The following SAMMSON variants were observed in gnomAD, a reference collection of about 807,000 sequenced individuals.
The protein encoded by SAMMSON is long intergenic non-protein coding RNA 1212.
chr3:70,206,170 C>A (rs759385128), intron 4 of SAMMSON, among the ~76,000 whole-genome samples: 1 of 151,928 alleles, frequency 6.6e-6, no homozygotes, highest in African/African-American at 2.4e-5. Context: ...TTTATGCTGT[C>A]TATATTTATA....
chr3:70,331,219 T>C (rs1282226531), intron 7 of SAMMSON, among the ~76,000 whole-genome samples: 1 of 152,206 alleles, frequency 6.6e-6, no homozygotes, highest in African/African-American at 2.4e-5. Flanking sequence ...TTCTTCTATA[T>C]ATTTTTTTCT....
intron 4 of SAMMSON, among the ~76,000 whole-genome samples, chr3:70,080,979 G>C (rs2067265895): frequency 6.6e-6 from 1 of 152,110 alleles, no homozygotes; most frequent in African/African-American, 2.4e-5. Flanking sequence ...TACAAAAGTT[G>C]TTTCTTTGAA....
chr3:70,212,228 C>T (rs1701358485), intron 4 of SAMMSON, among the ~76,000 whole-genome samples: 1 of 152,136 alleles, frequency 6.6e-6, no homozygotes, highest in Admixed American at 6.5e-5. Flanking sequence ...TGGTTTCAGT[C>T]CTCAAGAAGC....
chr3:70,021,956 C>G (rs2067015098), intron 3 of SAMMSON, among the ~76,000 whole-genome samples: 1 of 151,996 alleles, frequency 6.6e-6, no homozygotes, highest in Non-Finnish European at 1.5e-5. Context: ...TAGTTCTTAT[C>G]AAGGGGAAGA....
Position 70,115,754 on chromosome 3 carries a change from T to A in SAMMSON, n.507+44189T>A, listed in dbSNP as rs150285467. Reference sequence around the variant, plus strand: ...ATTCTTGTCCCAACCTAGTTTCTCATTGAAATGAATAAACAAATGCTTTCT... The same window carrying A: ...ATTCTTGTCCCAACCTAGTTTCTCAATGAAATGAATAAACAAATGCTTTCT... On this transcript the variant is annotated intron_variant and non_coding_transcript_variant, in intron 4 of 9. Coordinates refer to ENST00000642114, the Ensembl canonical transcript of SAMMSON. 7.9e-5 allele frequency among the ~76,000 whole-genome samples: 12 copies of A among 152,240 alleles called. 1 individual carries two copies.
chr3:70,087,069 A>G (rs2067287964), intron 4 of SAMMSON, among the ~76,000 whole-genome samples: 1 of 152,176 alleles, frequency 6.6e-6, no homozygotes. Flanking sequence ...TCTGAGCTTC[A>G]AGCAATCTTT....
chr3:70,005,874 G>C (rs1424279501), intron 1 of SAMMSON, among the ~76,000 whole-genome samples: 2 of 152,122 alleles, frequency 1.3e-5, no homozygotes, highest in African/African-American at 4.8e-5. Context: ...ACTAAAGATA[G>C]AACAGACTTG....
intron 4 of SAMMSON, chr3:70,196,911 G>T (rs1053151464): frequency 2.4e-4 from 97 of 398,462 alleles, no homozygotes; most frequent in Non-Finnish European, 4.0e-4. Flanking sequence ...GCCGGAATGT[G>T]GTTACTTCAC....
chr3:70,216,546 C>T (rs1363559136), intron 4 of SAMMSON, among the ~76,000 whole-genome samples: 2 of 152,164 alleles, frequency 1.3e-5, no homozygotes, highest in South Asian at 2.1e-4. Context: ...CTAAGGCAGC[C>T]TGGCTCCAAG....
In SAMMSON at chr3:70,143,081, T is replaced by C. The variant is rs113505486; in HGVS notation, n.507+71516T>C. 8.0e-3 allele frequency among the ~76,000 whole-genome samples: 1,217 copies of C among 152,262 alleles called. 10 individuals are homozygous for C. Among genetic ancestry groups the C allele is most frequent in the African/African-American group, 0.027 (1,137 of 41,550 alleles). On this transcript the variant is annotated intron_variant and non_coding_transcript_variant, in intron 4 of 9. Transcript: ENST00000642114. The stretch of plus-strand genomic sequence containing the variant: ...TGAGACATTTAACTACTTTCAGGGA[T>C]GCATGAGAATTTTAGACTTGTTACT...
At chr3:70,260,961 A>G (rs2106661314) in intron 6 of SAMMSON, among the ~76,000 whole-genome samples, 1 of 152,282 alleles carries the variant, frequency 6.6e-6, no homozygotes, top group African/African-American at 2.4e-5. Context: ...GATTTTCTCA[A>G]GTTTATAATA....
intron 3 of SAMMSON, among the ~76,000 whole-genome samples, chr3:70,045,300 C>T (rs903006024): frequency 1.3e-5 from 2 of 149,318 alleles, no homozygotes; most frequent in African/African-American, 4.9e-5. Flanking sequence ...TTACCCCAGA[C>T]ATTTTTGCAG....
chr3:70,022,753 T>G (rs1201953429), intron 3 of SAMMSON, among the ~76,000 whole-genome samples: 1 of 152,238 alleles, frequency 6.6e-6, no homozygotes, highest in Non-Finnish European at 1.5e-5. Flanking sequence ...GGTGCACAGC[T>G]AAAGGGCCTA....
At chr3:70,312,230 T>C (rs1001376572) in intron 7 of SAMMSON, among the ~76,000 whole-genome samples, 1 of 152,184 alleles carries the variant, frequency 6.6e-6, no homozygotes, top group Non-Finnish European at 1.5e-5. Flanking sequence ...AATTTCTCAA[T>C]GTGAAAGAAT....
chr3:70,128,510 G>A lies in SAMMSON; in HGVS notation n.507+56945G>A, dbSNP rs530346453. 2.6e-5 allele frequency among the ~76,000 whole-genome samples: 4 copies of A among 152,314 alleles called. No homozygotes were observed. The East Asian group carries it at 5.8e-4, about 22-fold the overall frequency. ...CATTTCATATTTTAAAAGGTAGCCT[G>A]ATAATTCAAAAGACAATGATTGAAA... On this transcript the variant is annotated intron_variant and non_coding_transcript_variant, in intron 4 of 9. Transcript: ENST00000642114.
At chr3:70,382,474 C>G (rs1216587061) in intron 9 of SAMMSON, among the ~76,000 whole-genome samples, 4 of 152,116 alleles carry the variant, frequency 2.6e-5, no homozygotes, top group Admixed American at 6.6e-5. Flanking sequence ...CAGCTGGCAG[C>G]TGCTACTGGC....
chr3:70,229,701 C>A (rs937689051), intron 4 of SAMMSON, among the ~76,000 whole-genome samples: 1 of 152,072 alleles, frequency 6.6e-6, no homozygotes, highest in Non-Finnish European at 1.5e-5. Context: ...AATGACAGAG[C>A]CACAAAATAG....
chr3:70,122,439 G>C (rs60667888), intron 4 of SAMMSON, among the ~76,000 whole-genome samples: 18,884 of 152,132 alleles, frequency 0.12, 1,212 homozygotes, highest in South Asian at 0.21. Context: ...AAACTCCTGG[G>C]CTCCAGCAAT....
intron 9 of SAMMSON, among the ~76,000 whole-genome samples, chr3:70,373,578 T>G (rs1702988219): frequency 6.6e-6 from 1 of 152,210 alleles, no homozygotes; most frequent in Admixed American, 6.5e-5. Context: ...CTCTTTCTCT[T>G]CTGGAACTCT....
Sources: allele counts gnomAD v4.1 joint callset (sites outside exome capture counted in the v4.1 genomes callset), GRCh38; gene constraint gnomAD v4.1.1; transcripts MANE v1.5; gene names NCBI Gene and HGNC (gene_info 2026-07-23, HGNC 2026-07-21).